Variants in CTNNA3 observed in about 807,000 individuals in gnomAD.
CTNNA3 encodes the protein catenin alpha 3, also known as catenin alpha-3.
Under a neutral mutation model 95.7 loss-of-function variants are expected in CTNNA3, and 76 were observed. The observed-to-expected ratio is 0.79, with a 90% CI of 0.66 to 0.96. CTNNA3 has a LOEUF of 0.96. CTNNA3 is among the 40% of genes least tolerant of loss of function. The probability of loss-of-function intolerance (pLI) is 0.00; values close to 1 mark genes in which losing one functional copy is unlikely to be tolerated. For synonymous variants in CTNNA3, 431 were observed against 374.4 expected (o/e 1.15, Z -1.74); for missense variants, 1,191 against 1,089.8 (o/e 1.09, Z -1.31).
chr10:66,199,066 A>G, intron 13 of CTNNA3, among the ~76,000 whole-genome samples: 1 of 152,144 alleles, frequency 6.6e-6, no homozygotes, highest in South Asian at 2.1e-4. Context: ...AGTTGTTTCC[A>G]TCACGGGAAT....
At chr10:67,331,207 T>C (rs1841779202) in intron 5 of CTNNA3, among the ~76,000 whole-genome samples, 2 of 152,310 alleles carry the variant, frequency 1.3e-5, no homozygotes, top group African/African-American at 2.4e-5. Flanking sequence ...CCCAGTCTTC[T>C]AATGTTAAAT....
chr10:67,126,738 C>T (rs894684282), intron 7 of CTNNA3, among the ~76,000 whole-genome samples: 1 of 152,120 alleles, frequency 6.6e-6, no homozygotes, highest in Non-Finnish European at 1.5e-5. Flanking sequence ...CTAAAAAGAT[C>T]CATATACATT....
chr10:66,234,491 T>G (rs1024665702), intron 13 of CTNNA3, among the ~76,000 whole-genome samples: 1 of 152,170 alleles, frequency 6.6e-6, no homozygotes, highest in Non-Finnish European at 1.5e-5. Context: ...TTTGAGAAAC[T>G]TTTACGGTTG....
chr10:67,659,564 C>T (rs894679505), intron 1 of CTNNA3, among the ~76,000 whole-genome samples: 1 of 151,874 alleles, frequency 6.6e-6, no homozygotes, highest in Non-Finnish European at 1.5e-5. Flanking sequence ...TTTTAAAAGC[C>T]ATAGAACTAA....
At chr10:66,113,621 T>C (rs1256449504) in intron 13 of CTNNA3, among the ~76,000 whole-genome samples, 1 of 152,198 alleles carries the variant, frequency 6.6e-6, no homozygotes, top group African/African-American at 2.4e-5. Context: ...ATTGGACTAA[T>C]TATTTATAAA....
intron 1 of CTNNA3, among the ~76,000 whole-genome samples, chr10:67,681,192 T>C (rs1840619820): frequency 1.3e-5 from 2 of 152,052 alleles, no homozygotes; most frequent in Non-Finnish European, 2.9e-5. Context: ...CATCTAGAAA[T>C]AAATATTATG....
intron 2 of CTNNA3, among the ~76,000 whole-genome samples, chr10:67,630,813 C>T (rs1839121210): frequency 6.6e-6 from 1 of 152,226 alleles, no homozygotes; most frequent in East Asian, 1.9e-4. Flanking sequence ...CAAAAAAAAA[C>T]TTTACAAAAG....
At chr10:66,143,764 T>C (rs2083733143) in intron 13 of CTNNA3, among the ~76,000 whole-genome samples, 1 of 152,168 alleles carries the variant, frequency 6.6e-6, no homozygotes, top group South Asian at 2.1e-4. Flanking sequence ...CCAGGACCAG[T>C]TATTTCCACT....
chr10:66,738,101 C>T (rs756875468), intron 9 of CTNNA3, among the ~76,000 whole-genome samples: 5 of 152,180 alleles, frequency 3.3e-5, no homozygotes, highest in African/African-American at 4.8e-5. Flanking sequence ...TCCTTTTAAA[C>T]TTACAAAGCC....
chr10:65,944,890 A>ATCTATCTATCTATCTATCTT (rs1468556802), intron 17 of CTNNA3, among the ~76,000 whole-genome samples: 1 of 96,434 alleles, frequency 1.0e-5, no homozygotes, highest in African/African-American at 3.1e-5. Context: ...CTATCTATCT[A>ATCTATCTATCTATCTATCTT]TCTATCTATC....
intron 12 of CTNNA3, among the ~76,000 whole-genome samples, chr10:66,341,961 G>GTGTA (rs914636302): frequency 4.0e-5 from 6 of 151,328 alleles, no homozygotes; most frequent in South Asian, 2.1e-4. Context: ...GTGTGTGTGT[G>GTGTA]TATATATATA....
intron 13 of CTNNA3, among the ~76,000 whole-genome samples, chr10:66,230,397 G>A (rs1321488253): frequency 3.3e-5 from 5 of 151,936 alleles, no homozygotes; most frequent in Non-Finnish European, 5.9e-5. Flanking sequence ...TGGATAGAGT[G>A]CTTTGGTTAA....
At chr10:67,701,834 T>C (rs981802789) in intron 1 of CTNNA3, among the ~76,000 whole-genome samples, 9 of 151,992 alleles carry the variant, frequency 5.9e-5, no homozygotes, top group Admixed American at 1.3e-4. Context: ...GACTGGCAAA[T>C]TGGATAAAGA....
intron 15 of CTNNA3, among the ~76,000 whole-genome samples, chr10:66,044,439 A>G (rs1169056772): frequency 6.6e-6 from 1 of 151,672 alleles, no homozygotes; most frequent in East Asian, 1.9e-4. Context: ...TTTTTTTAGA[A>G]ATTTCTTCTC....
intron 15 of CTNNA3, among the ~76,000 whole-genome samples, chr10:66,066,908 T>A (rs917053821): frequency 1.3e-5 from 2 of 152,158 alleles, no homozygotes; most frequent in Admixed American, 6.5e-5. Flanking sequence ...TTCTATAGAC[T>A]CTTTTCATGT....
In CTNNA3 at chr10:67,755,864, T is replaced by C. The variant is rs560053091; in HGVS notation, c.-2+7570A>G. On this transcript the variant is annotated intron_variant, in intron 1 of 17. Transcript: ENST00000684154. ...AGAAAATCAATATGCCAAAAAGATA[T>C]ATGCACTCCCATGTTTATCAAAGCA... Among the ~76,000 whole-genome samples the C allele has an allele frequency of 1.3e-4, 19 of 146,922 alleles. No individual in the cohort carries two copies. In the South Asian group the frequency reaches 3.9e-3, roughly 30 times the overall value.
chr10:67,521,799 T>G, intron 5 of CTNNA3, 43 bp downstream of exon 5: 1 of 1,597,810 alleles, frequency 6.3e-7, no homozygotes, highest in Non-Finnish European at 8.5e-7. Context: ...GCAGGAAGCC[T>G]AAAGTGTTCA....
chr10:66,740,471 T>C (rs1221683878), intron 9 of CTNNA3, among the ~76,000 whole-genome samples: 1 of 152,206 alleles, frequency 6.6e-6, no homozygotes, highest in African/African-American at 2.4e-5. Context: ...GTCAAATTAT[T>C]TTTCTTTCAT....
chr10:66,211,635 A>G (rs2088162041), intron 13 of CTNNA3, among the ~76,000 whole-genome samples: 2 of 152,234 alleles, frequency 1.3e-5, no homozygotes, highest in Non-Finnish European at 2.9e-5. Context: ...GATGAATTCC[A>G]GAAGCCAACC....
Sources: allele counts gnomAD v4.1 joint callset (sites outside exome capture counted in the v4.1 genomes callset), GRCh38; gene constraint gnomAD v4.1.1; transcripts MANE v1.5; gene names NCBI Gene and HGNC (gene_info 2026-07-23, HGNC 2026-07-21).